CMTM6: variants seen among roughly 807,000 people sequenced by gnomAD.
CMTM6 encodes the protein CKLF like MARVEL transmembrane domain containing 6, also known as CKLF-like MARVEL transmembrane domain-containing protein 6.
CMTM6 carries 5 observed loss-of-function variants against 13.6 expected under a neutral mutation model. The ratio of observed to expected loss-of-function variants is 0.37; its 90% confidence interval spans 0.19 to 0.77. The LOEUF (loss-of-function observed/expected upper bound fraction) is 0.77. Ranked by LOEUF, CMTM6 falls within the 30% of genes least tolerant of loss-of-function variation. CMTM6 has a pLI of 0.50. For synonymous variants in CMTM6, 99 were observed against 84.5 expected (o/e 1.17, Z -0.94); for missense variants, 196 against 218.6 (o/e 0.90, Z 0.65).
At position 32,483,115 on chromosome 3, in the gene CMTM6, T is replaced by C. The variant is rs933502163; in HGVS notation, c.*845A>G. On this transcript the variant is annotated 3_prime_UTR_variant, in exon 4 of 4. Coordinates refer to ENST00000205636, the MANE Select transcript of CMTM6 (RefSeq NM_017801.3). ...AGTATGAACTCATCTCTTCAGATAC[T>C]TGGTAAGTGGTCAAAGCTTGTTTTT... 2.0e-4 allele frequency: 30 copies of C among 152,784 alleles called. No homozygotes were observed. The highest frequency in any genetic ancestry group is 6.7e-4 in the African/African-American group (28 of 41,580). 9.5% of individuals were successfully genotyped at this position (152,784 alleles called of 1,614,324 possible). A position where few individuals can be genotyped will look rare whatever the true frequency, so the allele number is the denominator to read the frequency against.
chr3:32,500,335 C>T (rs1697334028), intron 1 of CMTM6, among the ~76,000 whole-genome samples: 2 of 152,210 alleles, frequency 1.3e-5, no homozygotes, highest in African/African-American at 4.8e-5. Context: ...CTTTTACCGA[C>T]TTCATATGTA....
intron 1 of CMTM6, among the ~76,000 whole-genome samples, chr3:32,497,137 AC>A (rs1697299914): frequency 6.6e-6 from 1 of 151,918 alleles, no homozygotes. Flanking sequence ...TAATCCCAGC[AC>A]TCTGGGAGGC....
At chr3:32,495,958 A>G (rs1697286150) in intron 1 of CMTM6, among the ~76,000 whole-genome samples, 1 of 152,174 alleles carries the variant, frequency 6.6e-6, no homozygotes, top group Non-Finnish European at 1.5e-5. Flanking sequence ...TGGGAGGCCA[A>G]GGCGGGCAGA....
At chr3:32,485,935 T>TGGC (rs1222678739) in intron 3 of CMTM6, among the ~76,000 whole-genome samples, 1 of 152,240 alleles carries the variant, frequency 6.6e-6, no homozygotes, top group African/African-American at 2.4e-5. Context: ...TGGAGTGCAG[T>TGGC]GGCACAATCT....
In CMTM6 at chr3:32,502,778, A is replaced by G; in HGVS notation, c.-33T>C. 7.1e-7 allele frequency: 1 copy of G among 1,402,222 alleles called. No individual in the cohort carries two copies. The highest frequency in any genetic ancestry group is 9.3e-7 in the Non-Finnish European group (1 of 1,078,062). 86.9% of individuals were successfully genotyped at this position (1,402,222 alleles called of 1,614,324 possible). On this transcript the variant is annotated 5_prime_UTR_variant, in exon 1 of 4. Transcript: ENST00000205636. ...GGCCGGGGAGCGCGGCGGCCGCAGC[A>G]ACCGCGCCGTTGACTTCTCGGACTC...
chr3:32,484,038 T>C lies in CMTM6; in HGVS notation c.474A>G (p.Glu158=). ...FLLDFITMLY[E]KRQESQLRKP... ...TTCTCAGCTGGGACTCCTGTCGTTT[T>C]TCATACAGCATAGTGATAAAGTCAA... The change falls in exon 4 of 4, where the codon GAA becomes GAG. Residue 158 remains glutamate, a synonymous_variant. Coordinates refer to ENST00000205636, the MANE Select transcript of CMTM6 (RefSeq NM_017801.3). The C allele has an allele frequency of 6.2e-7, 1 of 1,611,978 alleles. No homozygotes were observed. The highest frequency in any genetic ancestry group is 8.5e-7 in the Non-Finnish European group (1 of 1,179,400).
At chr3:32,502,148 G>A (rs1411991993) in intron 1 of CMTM6, among the ~76,000 whole-genome samples, 2 of 152,366 alleles carry the variant, frequency 1.3e-5, no homozygotes, top group South Asian at 4.1e-4. Context: ...TGGTATCGCA[G>A]GACTTTGTCC....
At chr3:32,493,297 G>C (rs1380548642) in intron 1 of CMTM6, among the ~76,000 whole-genome samples, 2 of 152,182 alleles carry the variant, frequency 1.3e-5, no homozygotes, top group Non-Finnish European at 2.9e-5. Context: ...ATGGTGAGTG[G>C]AGAATGTTAA....
In CMTM6 at chr3:32,502,827, G is replaced by C; in HGVS notation, c.-82C>G. ...TCCAGAAGTCCCCGGTAGCCGGGAG[G>C]CGGCCGTCACTTCCTGGGCCTTCTC... On this transcript the variant is annotated 5_prime_UTR_variant, in exon 1 of 4. Coordinates refer to ENST00000205636, the MANE Select transcript of CMTM6 (RefSeq NM_017801.3). 8.9e-6 allele frequency: 12 copies of C among 1,351,518 alleles called. No individual in the cohort carries two copies. The highest frequency in any genetic ancestry group is 1.1e-5 in the Non-Finnish European group (12 of 1,051,334). 83.7% of individuals were successfully genotyped at this position (1,351,518 alleles called of 1,614,324 possible).
intron 1 of CMTM6, among the ~76,000 whole-genome samples, chr3:32,492,895 A>G (rs189391068): frequency 9.2e-5 from 14 of 152,344 alleles, no homozygotes; most frequent in Admixed American, 5.9e-4. Context: ...TCATCTATGG[A>G]CTACTACTTC....
intron 2 of CMTM6, among the ~76,000 whole-genome samples, chr3:32,491,262 G>T (rs1697247944): frequency 6.6e-6 from 1 of 152,126 alleles, no homozygotes; most frequent in African/African-American, 2.4e-5. Context: ...AATCACTGAA[G>T]CTTTAAGCTT....
chr3:32,498,597 C>CTTTTT (rs58720077), intron 1 of CMTM6, among the ~76,000 whole-genome samples: 5 of 127,044 alleles, frequency 3.9e-5, no homozygotes, highest in Admixed American at 8.5e-5. Context: ...ACTACCCCTT[C>CTTTTT]TTTTTTTTTT....
In CMTM6 at chr3:32,491,708, A is replaced by G; in HGVS notation, c.315+2T>C. The stretch of plus-strand genomic sequence containing the variant: ...ACAGGGATGATATTTTCTCATGCTT[A>G]CCGATGATTTTACTTTTGTGGTATC... On this transcript the variant is annotated splice_donor_variant, in intron 2 of 3. Coordinates refer to ENST00000205636, the MANE Select transcript of CMTM6 (RefSeq NM_017801.3). LOFTEE classifies it high-confidence loss of function. 1 of 1,588,564 alleles carries G rather than the reference A, an allele frequency of 6.3e-7. No homozygotes were observed. Among genetic ancestry groups the G allele is most frequent in the Non-Finnish European group, 8.6e-7 (1 of 1,169,020 alleles).
At chr3:32,485,325 C>T (rs1056708897) in intron 3 of CMTM6, among the ~76,000 whole-genome samples, 3 of 151,630 alleles carry the variant, frequency 2.0e-5, no homozygotes, top group Admixed American at 6.6e-5. Context: ...TTATAAATAT[C>T]AGCTTTTTAA....
intron 1 of CMTM6, among the ~76,000 whole-genome samples, chr3:32,499,617 G>A (rs1697328355): frequency 6.6e-6 from 1 of 152,168 alleles, no homozygotes; most frequent in Non-Finnish European, 1.5e-5. Context: ...AGTATAAACT[G>A]AAAAACTGCA....
chr3:32,502,480 G>A, intron 1 of CMTM6, 128 bp downstream of exon 1: 1 of 1,214,532 alleles, frequency 8.2e-7, no homozygotes, highest in Non-Finnish European at 1.1e-6. Flanking sequence ...GAGAGGGAAG[G>A]AACTAGAGGT....
chr3:32,500,687 C>G (rs1391444399), intron 1 of CMTM6, among the ~76,000 whole-genome samples: 1 of 152,092 alleles, frequency 6.6e-6, no homozygotes, highest in Non-Finnish European at 1.5e-5. Context: ...TGGTTGTGTT[C>G]CATGTTTTCT....
chr3:32,501,021 C>T (rs1697339714), intron 1 of CMTM6, among the ~76,000 whole-genome samples: 1 of 145,900 alleles, frequency 6.9e-6, no homozygotes, highest in Non-Finnish European at 1.5e-5. Flanking sequence ...CACGGCGAAA[C>T]CCCGTCTCTA....
rs1470555067 is a variant in CMTM6 at position 32,483,399 on chromosome 3, T to C, written c.*561A>G. 1 of 152,558 alleles carries C rather than the reference T, an allele frequency of 6.6e-6. No individual in the cohort carries two copies. Among genetic ancestry groups the C allele is most frequent in the African/African-American group, 2.4e-5 (1 of 41,444 alleles). The allele number at this position is 152,558 out of a possible 1,614,324, so 9.5% of individuals were successfully genotyped here. A position where few individuals can be genotyped will look rare whatever the true frequency, so the allele number is the denominator to read the frequency against. On this transcript the variant is annotated 3_prime_UTR_variant, in exon 4 of 4. Coordinates refer to ENST00000205636, the MANE Select transcript of CMTM6 (RefSeq NM_017801.3). The stretch of plus-strand genomic sequence containing the variant: ...ACCGTTATCCAAAAATATTATAACA[T>C]TTAAGGCTGAGTGAAATACAGTAAA...
Sources: gnomAD v4.1 joint callset for allele counts (sites outside exome capture counted in the v4.1 genomes callset) on GRCh38, gnomAD v4.1.1 for gene constraint, MANE v1.5 for transcripts, NCBI Gene and HGNC (gene_info 2026-07-23, HGNC 2026-07-21) for gene names.